Variants in LY75 observed in about 807,000 individuals in gnomAD.
The protein encoded by LY75 is lymphocyte antigen 75.
In LY75, 185 loss-of-function variants were observed where a neutral mutation model predicts 231.7. The observed-to-expected ratio is 0.80, with a 90% confidence interval of 0.71 to 0.90. The LOEUF is 0.90. LY75 is among the 40% of genes least tolerant of loss of function. The pLI is 0.00. For missense variants in LY75, 1,947 were observed against 2,050.2 expected, an observed-to-expected ratio of 0.95 and a Z score of 0.97; for synonymous variants, 668 against 689.0, an observed-to-expected ratio of 0.97 and a Z score of 0.48.
intron 28 of LY75, among the ~76,000 whole-genome samples, chr2:159,827,351 T>C (rs777622278): frequency 3.9e-5 from 6 of 152,044 alleles, no homozygotes; most frequent in Non-Finnish European, 8.8e-5. Flanking sequence ...AACAGACACA[T>C]GAAAAAATGC....
intron 31 of LY75, among the ~76,000 whole-genome samples, chr2:159,814,633 C>G (rs1378123531): frequency 8.2e-6 from 1 of 121,438 alleles, no homozygotes; most frequent in African/African-American, 3.2e-5. Context: ...CCAGTCTGGG[C>G]AACAGAGCTG....
chr2:159,837,476 G>A (rs1452185292), intron 25 of LY75, among the ~76,000 whole-genome samples: 1 of 152,184 alleles, frequency 6.6e-6, no homozygotes, highest in Non-Finnish European at 1.5e-5. Context: ...GCATGATATT[G>A]TCTGGGGACT....
intron 23 of LY75, among the ~76,000 whole-genome samples, chr2:159,845,831 T>C (rs1432330416): frequency 6.6e-6 from 1 of 151,654 alleles, no homozygotes; most frequent in African/African-American, 2.4e-5. Flanking sequence ...GAAATATTTT[T>C]AAATAGCTAC....
At chr2:159,862,003 A>C (rs1684718841) in intron 14 of LY75, among the ~76,000 whole-genome samples, 1 of 152,010 alleles carries the variant, frequency 6.6e-6, no homozygotes, top group Non-Finnish European at 1.5e-5. Flanking sequence ...AAAAAATATA[A>C]GAATTAGCTG....
intron 11 of LY75, among the ~76,000 whole-genome samples, chr2:159,876,287 G>C: frequency 6.6e-6 from 1 of 152,160 alleles, no homozygotes. Context: ...TAGAGTTGGG[G>C]TTGAAACCAG....
At chr2:159,865,025 A>T in intron 13 of LY75, 105 bp from the exon 14 acceptor site, 1 of 1,000,664 alleles carries the variant, frequency 1.0e-6, no homozygotes, top group East Asian at 2.9e-5. Flanking sequence ...AGTTTCAAGC[A>T]ACATAAAGAA....
chr2:159,889,890 A>G (rs1329076880), intron 4 of LY75, among the ~76,000 whole-genome samples: 1 of 151,894 alleles, frequency 6.6e-6, no homozygotes, highest in Non-Finnish European at 1.5e-5. Flanking sequence ...TTAATTCTCT[A>G]TTTTTCAATG....
rs1247007252 is a variant in LY75, at chr2:159,850,475, C to T, written c.2884-8G>A. ...TTTGATCTTTAGAAAACACTGCAAACAAAGACATATGTGAAGCATGAGATT... is the reference window on the plus strand; with the variant it reads ...TTTGATCTTTAGAAAACACTGCAAATAAAGACATATGTGAAGCATGAGATT... On this transcript the variant is annotated splice_region_variant and splice_polypyrimidine_tract_variant and intron_variant, in intron 21 of 34. Transcript: ENST00000263636. 3 of 1,613,012 alleles carry T rather than the reference C, an allele frequency of 1.9e-6. No homozygotes were observed. Among genetic ancestry groups the T allele is most frequent in the Non-Finnish European group, 2.5e-6 (3 of 1,179,406 alleles).
chr2:159,845,358 A>C (rs1684168259), intron 23 of LY75, among the ~76,000 whole-genome samples: 1 of 152,086 alleles, frequency 6.6e-6, no homozygotes, highest in African/African-American at 2.4e-5. Flanking sequence ...AGTATAATTA[A>C]TCCTATTATA....
chr2:159,879,293 T>C lies in LY75; in HGVS notation c.1481A>G (p.Asp494Gly). Residue 494 changes from aspartate to glycine, a missense_variant, in exon 9 of 35, where the codon GAC becomes GGC. Asp to Gly is a moderately conservative substitution (Grantham distance 94). Coordinates refer to ENST00000263636, the MANE Select transcript of LY75 (RefSeq NM_002349.4). ...VCKRKGEKLN[D>G]ASSDKMCPPD... ...AGGACACATCTTATCAGAACTTGCG[T>C]CATTCAGTTTTTCTCCCTTTCTCTT... is the stretch of plus-strand genomic sequence containing the variant. 1 of 1,613,810 alleles carries C rather than the reference T, an allele frequency of 6.2e-7. No homozygotes were observed.
At chr2:159,828,181 T>C (rs146222558) in intron 28 of LY75, among the ~76,000 whole-genome samples, 160 of 151,012 alleles carry the variant, frequency 1.1e-3, no homozygotes, top group African/African-American at 3.3e-3. Context: ...TGGAAATTAT[T>C]TATATCCAGA....
intron 13 of LY75, chr2:159,872,170 A>C (rs1574576613): frequency 7.7e-6 from 2 of 259,256 alleles, no homozygotes; most frequent in African/African-American, 4.4e-5. Flanking sequence ...TGAATTCCCA[A>C]GGCCCTTCCT....
intron 6 of LY75, among the ~76,000 whole-genome samples, chr2:159,883,532 A>C (rs1173552854): frequency 1.3e-5 from 2 of 152,224 alleles, no homozygotes; most frequent in African/African-American, 2.4e-5. Flanking sequence ...TTTTTACAAG[A>C]TTAAAATGAT....
chr2:159,850,034 C>T lies in LY75; in HGVS notation c.3096G>A (p.Thr1032=), dbSNP rs114924959. 3,766 of 1,613,958 alleles carry T rather than the reference C, an allele frequency of 2.3e-3. 7 individuals are homozygous for T. Among genetic ancestry groups the T allele is most frequent in the Non-Finnish European group, 2.9e-3 (3,396 of 1,179,924 alleles). Reference sequence around the variant, plus strand: ...CCAATAATGGGTGAAAGTTACTGTACGTCAGCTCTCTGTTATCTGTCCATT... The same window carrying T: ...CCAATAATGGGTGAAAGTTACTGTATGTCAGCTCTCTGTTATCTGTCCATT... ...INKWTDNREL[T]YSNFHPLLVS... Residue 1032 remains threonine (T), a synonymous_variant, in exon 23 of 35, where the codon ACG becomes ACA. Transcript: ENST00000263636.
chr2:159,876,743 C>T (rs940316897), intron 11 of LY75, among the ~76,000 whole-genome samples: 10 of 152,104 alleles, frequency 6.6e-5, no homozygotes, highest in Admixed American at 2.0e-4. Flanking sequence ...CGGTGGCTCA[C>T]GCCTGTAATC....
rs1342734206 is a variant in LY75 at position 159,878,717 on chromosome 2, C to T, written c.1520G>A (p.Trp507Ter). The T allele has an allele frequency of 1.9e-6, 3 of 1,613,856 alleles. No homozygotes were observed. The highest frequency in any genetic ancestry group is 1.1e-5 in the South Asian group (1 of 91,078). Residue 507 changes from tryptophan (W) to a stop codon, truncating the protein, a stop_gained, in exon 10 of 35, where the codon TGG becomes TAG. Coordinates refer to ENST00000263636, the MANE Select transcript of LY75 (RefSeq NM_002349.4). LOFTEE classifies it high-confidence loss of function. ...SDKMCPPDEG[W>*]KRHGETCYKI... ...GTAACAGGTTTCTCCATGTCTCTTCCAGCCCTAAGTCAGAGGAAAAATATT... is the reference window on the plus strand; with the variant it reads ...GTAACAGGTTTCTCCATGTCTCTTCTAGCCCTAAGTCAGAGGAAAAATATT...
chr2:159,829,932 A>G (rs1308626582), intron 28 of LY75, among the ~76,000 whole-genome samples: 4 of 152,204 alleles, frequency 2.6e-5, no homozygotes, highest in South Asian at 2.1e-4. Context: ...TACAATTTCA[A>G]TCTCTCTGTC....
intron 14 of LY75, among the ~76,000 whole-genome samples, 191 bp from the exon 15 acceptor site, chr2:159,861,080 CAAACAA>C (rs895541840): frequency 1.3e-5 from 2 of 152,088 alleles, no homozygotes; most frequent in African/African-American, 4.8e-5. Context: ...CATAAGTTTC[CAAACAA>C]AGGAAGCCAC....
chr2:159,884,392 CCTCTT>C (rs1685525512), intron 6 of LY75, among the ~76,000 whole-genome samples: 2 of 152,246 alleles, frequency 1.3e-5, no homozygotes, highest in South Asian at 2.1e-4. Context: ...TCAATACACT[CCTCTT>C]CTCCATTCTT....
Sources: allele counts gnomAD v4.1 joint callset (sites outside exome capture counted in the v4.1 genomes callset), GRCh38; gene constraint gnomAD v4.1.1; transcripts MANE v1.5; gene names NCBI Gene and HGNC (gene_info 2026-07-23, HGNC 2026-07-21).